PRDM2: variants seen among roughly 807,000 people sequenced by gnomAD.
PRDM2 encodes PR/SET domain 2.
In PRDM2, 30 loss-of-function variants were observed where a neutral mutation model predicts 130.0. That is an observed-to-expected ratio of 0.23 (90% CI 0.17 to 0.31). The LOEUF is 0.31. Among genes scored for constraint, PRDM2 ranks in the 10% least tolerant of loss-of-function variants. The pLI is 1.00. For missense variants in PRDM2, 2,011 were observed against 2,108.4 expected, an observed-to-expected ratio of 0.95 and a Z score of 0.90; for synonymous variants, 871 against 782.4, an observed-to-expected ratio of 1.11 and a Z score of -1.89.
At chr1:13,703,080 ATC>A (rs1642114922) in intron 1 of PRDM2, among the ~76,000 whole-genome samples, 2 of 152,218 alleles carry the variant, frequency 1.3e-5, no homozygotes, top group South Asian at 4.1e-4. Context: ...GTGGTGGTCC[ATC>A]TCTCTCTTTT....
chr1:13,715,342 A>G (rs139242844), intron 1 of PRDM2, among the ~76,000 whole-genome samples, 199 bp from the exon 2 acceptor site: 46 of 152,374 alleles, frequency 3.0e-4, no homozygotes, highest in Middle Eastern at 3.4e-3. Context: ...GTGAAGCCCT[A>G]GCAAAGAGTA....
chr1:13,812,727 A>G (rs1465355060), intron 8 of PRDM2, among the ~76,000 whole-genome samples: 1 of 152,198 alleles, frequency 6.6e-6, no homozygotes, highest in Non-Finnish European at 1.5e-5. Flanking sequence ...CCTGACATTC[A>G]GTCTTTAAGG....
intron 6 of PRDM2, among the ~76,000 whole-genome samples, chr1:13,769,630 G>C (rs1644313181): frequency 6.6e-6 from 1 of 152,192 alleles, no homozygotes. Flanking sequence ...CCAGGTGTCA[G>C]ATAATCTCAA....
At chr1:13,795,311 T>A (rs1390740769) in intron 8 of PRDM2, among the ~76,000 whole-genome samples, 3 of 152,208 alleles carry the variant, frequency 2.0e-5, no homozygotes, top group African/African-American at 7.2e-5. Flanking sequence ...AAGAGCCCTA[T>A]GAATAATTTC....
chr1:13,703,771 C>T (rs1203550355), intron 1 of PRDM2, among the ~76,000 whole-genome samples: 1 of 152,214 alleles, frequency 6.6e-6, no homozygotes, highest in Non-Finnish European at 1.5e-5. Flanking sequence ...AAACAACTGT[C>T]TTCTAGAAAA....
At position 13,759,908 on chromosome 1, in the gene PRDM2, G is replaced by C. The variant is rs189117132; in HGVS notation, c.511+10421G>C. Among the ~76,000 whole-genome samples the C allele has an allele frequency of 5.6e-3, 854 of 152,172 alleles. 10 individuals are homozygous for C. The highest frequency in any genetic ancestry group is 8.9e-3 in the Non-Finnish European group (603 of 67,984). On this transcript the variant is annotated intron_variant, in intron 6 of 9. Coordinates refer to ENST00000311066, the MANE Select transcript of PRDM2 (RefSeq NM_001393986.1). ...TCAGTGGTCTCAATCTTGGATTTTTGGACCAGGGGTTTAAGATTCCAAATC... is the reference window on the plus strand; with the variant it reads ...TCAGTGGTCTCAATCTTGGATTTTTCGACCAGGGGTTTAAGATTCCAAATC...
rs562975887 is a variant in PRDM2 at position 13,796,862 on chromosome 1, C to T, written c.5036+14031C>T. On this transcript the variant is annotated intron_variant, in intron 8 of 9. Coordinates refer to ENST00000311066, the MANE Select transcript of PRDM2 (RefSeq NM_001393986.1). ...TAGGAGAGTATTAAGTATAACACAC[C>T]GTATAATGGACTGCTTTTTTTCTTT... Among the ~76,000 whole-genome samples, 81 of 152,234 alleles carry T rather than the reference C, an allele frequency of 5.3e-4. 1 individual carries two copies. The highest frequency in any genetic ancestry group is 1.5e-3 in the African/African-American group (61 of 41,528).
At chr1:13,730,064 A>G (rs1292534843) in intron 2 of PRDM2, among the ~76,000 whole-genome samples, 5 of 152,198 alleles carry the variant, frequency 3.3e-5, no homozygotes, top group Non-Finnish European at 1.5e-5. Flanking sequence ...TGGTTCATTT[A>G]AAAGTCCTGG....
intron 8 of PRDM2, among the ~76,000 whole-genome samples, chr1:13,807,621 G>A (rs1645105430): frequency 6.6e-6 from 1 of 152,192 alleles, no homozygotes; most frequent in Admixed American, 6.5e-5. Context: ...CCACCTGGGG[G>A]AAGAGTGTTC....
In PRDM2 at chr1:13,779,647, G is replaced by A. The variant is rs376040576; in HGVS notation, c.1852G>A (p.Val618Ile). The part of the protein sequence containing the change: ...EITQNIKTTQ[V>I]PVTEDLPKEP... ...TACTCAAAATATAAAGACCACACAG[G>A]TCCCTGTAACAGAAGATCTTCCTAA... The change falls in exon 8 of 10, where the codon GTC becomes ATC. Residue 618 changes from valine to isoleucine, a missense_variant. This residue lies in a region of PRDM2 where 1,288 missense variants were observed against 1,237.7 expected (regional missense o/e 1.04). Coordinates refer to ENST00000311066, the MANE Select transcript of PRDM2 (RefSeq NM_001393986.1). This position sits in a 1 kb window ranked among gnomAD's most constrained non-coding sequence, Gnocchi z 4.9. 77 of 1,613,862 alleles carry A rather than the reference G, an allele frequency of 4.8e-5. No homozygotes were observed. Among genetic ancestry groups the A allele is most frequent in the Non-Finnish European group, 5.9e-5 (70 of 1,179,980 alleles).
intron 7 of PRDM2, among the ~76,000 whole-genome samples, chr1:13,774,049 A>G (rs1003682884): frequency 2.0e-5 from 3 of 152,254 alleles, no homozygotes; most frequent in African/African-American, 7.2e-5. Flanking sequence ...GTTGGAATTT[A>G]AATTCTTATT....
At chr1:13,713,715 C>G (rs1035927945) in intron 1 of PRDM2, among the ~76,000 whole-genome samples, 1 of 152,116 alleles carries the variant, frequency 6.6e-6, no homozygotes, top group East Asian at 1.9e-4. Flanking sequence ...TCAGAGGACA[C>G]GTGAAACCCC....
intron 8 of PRDM2, chr1:13,786,721 A>G (rs773572789): frequency 1.3e-4 from 184 of 1,432,668 alleles, no homozygotes; most frequent in Non-Finnish European, 1.6e-4. Flanking sequence ...TGGGGGCCCA[A>G]CGCGCATGCT....
At chr1:13,710,590 T>C (rs931564637) in intron 1 of PRDM2, among the ~76,000 whole-genome samples, 7 of 152,206 alleles carry the variant, frequency 4.6e-5, no homozygotes, top group African/African-American at 1.4e-4. Context: ...CTTCTGGGAC[T>C]GATAAATATT....
Position 13,778,536 on chromosome 1 carries a change from G to A in PRDM2, c.741G>A (p.Glu247=). 2 of 1,614,184 alleles carry A rather than the reference G, an allele frequency of 1.2e-6. No individual in the cohort carries two copies. Among genetic ancestry groups the A allele is most frequent in the Non-Finnish European group, 1.7e-6 (2 of 1,180,032 alleles). The change falls in exon 8 of 10, where the codon GAG becomes GAA. Residue 247 remains glutamate (E), a synonymous_variant. Transcript: ENST00000311066. The part of the protein sequence containing the change: ...PELATPAPAW[E]PQPEPDERLE... ...TAGCAACCCCTGCCCCTGCCTGGGA[G>A]CCACAGCCAGAACCAGACGAGCGAT...
intron 3 of PRDM2, among the ~76,000 whole-genome samples, chr1:13,731,846 A>T (rs1300668476): frequency 3.9e-5 from 6 of 152,188 alleles, no homozygotes; most frequent in Non-Finnish European, 7.4e-5. Context: ...AAAAAATTTT[A>T]ATACATGCTT....
chr1:13,716,916 C>T (rs961262124), intron 2 of PRDM2, among the ~76,000 whole-genome samples: 10 of 151,336 alleles, frequency 6.6e-5, no homozygotes, highest in African/African-American at 2.4e-4. Context: ...TTTTGTATCC[C>T]TCATCAACTG....
chr1:13,807,853 T>G (rs1645109093), intron 8 of PRDM2, among the ~76,000 whole-genome samples: 2 of 152,232 alleles, frequency 1.3e-5, no homozygotes, highest in Admixed American at 1.3e-4. Flanking sequence ...CAGGAGACGA[T>G]GCTCTGAGGC....
In PRDM2 at chr1:13,801,374, G is replaced by A. The variant is rs1413291467; in HGVS notation, c.5037-15053G>A. 2.0e-5 allele frequency among the ~76,000 whole-genome samples: 3 copies of A among 152,298 alleles called. No homozygotes were observed. The East Asian group carries it at 5.8e-4, about 29-fold the overall frequency. ...GGTCAGTGGCTATCAGATAACTAAGGGAAATATGTTTGGGGTAGATGACAA... is the reference window on the plus strand; with the variant it reads ...GGTCAGTGGCTATCAGATAACTAAGAGAAATATGTTTGGGGTAGATGACAA... On this transcript the variant is annotated intron_variant, in intron 8 of 9. Transcript: ENST00000311066.
Sources: allele counts gnomAD v4.1 joint callset (sites outside exome capture counted in the v4.1 genomes callset), GRCh38; gene constraint gnomAD v4.1.1; regional missense constraint gnomAD v4.1.1; non-coding constraint Gnocchi (gnomAD v3.1); transcripts MANE v1.5; gene names NCBI Gene and HGNC (gene_info 2026-07-23, HGNC 2026-07-21).